The following GALNTL6 variants were observed in gnomAD, a reference collection of about 807,000 sequenced individuals.
The protein encoded by GALNTL6 is polypeptide N-acetylgalactosaminyltransferase-like 6.
In GALNTL6, 46 loss-of-function variants were observed where a neutral mutation model predicts 73.7. The observed-to-expected ratio is 0.62, with a 90% CI of 0.49 to 0.80. The LOEUF (loss-of-function observed/expected upper bound fraction) is 0.80. GALNTL6 is among the 30% of genes least tolerant of loss of function. The pLI is 0.00. For missense variants in GALNTL6, 604 were observed against 755.0 expected (o/e 0.80, Z 2.34); for synonymous variants, 259 against 263.7 (o/e 0.98, Z 0.17).
intron 2 of GALNTL6, among the ~76,000 whole-genome samples, chr4:171,926,416 C>T (rs1193088376): frequency 6.6e-6 from 1 of 152,028 alleles, no homozygotes; most frequent in East Asian, 1.9e-4. Flanking sequence ...GTACAGAAAA[C>T]TTGTCTTTTC....
At chr4:172,230,754 A>G (rs1188493893) in intron 3 of GALNTL6, among the ~76,000 whole-genome samples, 2 of 152,148 alleles carry the variant, frequency 1.3e-5, no homozygotes, top group East Asian at 3.9e-4. Flanking sequence ...TATTTTCACA[A>G]TAAGGATGTC....
chr4:172,907,003 A>ATAC (rs1685279750), intron 8 of GALNTL6, among the ~76,000 whole-genome samples: 2 of 152,218 alleles, frequency 1.3e-5, no homozygotes, highest in South Asian at 2.1e-4. Flanking sequence ...AGTCCTTTCT[A>ATAC]TACTCAAAGG....
At chr4:172,826,374 G>T (rs1742268295) in intron 7 of GALNTL6, among the ~76,000 whole-genome samples, 1 of 152,144 alleles carries the variant, frequency 6.6e-6, no homozygotes, top group African/African-American at 2.4e-5. Flanking sequence ...CTTCCTAATT[G>T]TTCTGTGCCT....
intron 5 of GALNTL6, among the ~76,000 whole-genome samples, chr4:172,802,516 C>T (rs930846251): frequency 5.9e-5 from 9 of 152,106 alleles, no homozygotes; most frequent in Non-Finnish European, 2.9e-5. Context: ...GATAAGGGGG[C>T]CGGGCGCAGT....
intron 5 of GALNTL6, among the ~76,000 whole-genome samples, chr4:172,358,741 C>T (rs535382798): frequency 2.2e-4 from 33 of 151,058 alleles, no homozygotes; most frequent in East Asian, 3.9e-4. Context: ...CCCAAGACTG[C>T]GGTCAGAAGA....
intron 2 of GALNTL6, among the ~76,000 whole-genome samples, chr4:171,962,896 T>C (rs1313869195): frequency 1.3e-5 from 2 of 150,560 alleles, no homozygotes; most frequent in Non-Finnish European, 1.5e-5. Context: ...GCTTCTCAGA[T>C]AGCTGGGACT....
intron 3 of GALNTL6, among the ~76,000 whole-genome samples, chr4:172,286,958 A>C (rs1318216410): frequency 6.6e-6 from 1 of 152,182 alleles, no homozygotes. Flanking sequence ...CTAGATGCTC[A>C]ATCTTTCACC....
chr4:172,780,094 G>A (rs1252020468), intron 5 of GALNTL6, among the ~76,000 whole-genome samples: 1 of 150,564 alleles, frequency 6.6e-6, no homozygotes, highest in African/African-American at 2.4e-5. Context: ...GTCATGGAAG[G>A]AAGGTTCAGG....
At chr4:172,311,530 T>C (rs1267116164) in intron 3 of GALNTL6, 84 bp from the exon 4 acceptor site, 34 of 1,172,614 alleles carry the variant, frequency 2.9e-5, no homozygotes, top group Non-Finnish European at 3.9e-5. Context: ...TAGGCGATAA[T>C]ACACATTCCA....
chr4:172,027,067 T>G (rs942325078), intron 2 of GALNTL6, among the ~76,000 whole-genome samples: 1 of 152,050 alleles, frequency 6.6e-6, no homozygotes, highest in African/African-American at 2.4e-5. Context: ...CCAATTGTTT[T>G]ATTTTTGTAG....
intron 5 of GALNTL6, among the ~76,000 whole-genome samples, chr4:172,745,697 T>C (rs559866448): frequency 6.6e-6 from 1 of 152,090 alleles, no homozygotes; most frequent in East Asian, 1.9e-4. Context: ...GATTCAAAAT[T>C]AAAGTTGACA....
At chr4:171,957,553 G>A (rs1451279551) in intron 2 of GALNTL6, among the ~76,000 whole-genome samples, 1 of 152,190 alleles carries the variant, frequency 6.6e-6, no homozygotes, top group Non-Finnish European at 1.5e-5. Flanking sequence ...TGGAGGAACA[G>A]TATTTACTTT....
chr4:171,991,989 A>G lies in GALNTL6; in HGVS notation c.138+177271A>G, dbSNP rs192941015. On this transcript the variant is annotated intron_variant, in intron 2 of 12. Coordinates refer to ENST00000506823, the MANE Select transcript of GALNTL6 (RefSeq NM_001034845.3). ...CTTGAGTAGACCATGAAGTGTAACT[A>G]ATCAACAATTATGGCAAAGTTTTTT... Among the ~76,000 whole-genome samples, 30 of 152,038 alleles carry G rather than the reference A, an allele frequency of 2.0e-4. No homozygotes were observed. The East Asian group carries it at 3.3e-3, about 17-fold the overall frequency.
At chr4:172,472,777 A>C (rs1372050598) in intron 5 of GALNTL6, among the ~76,000 whole-genome samples, 1 of 152,172 alleles carries the variant, frequency 6.6e-6, no homozygotes, top group African/African-American at 2.4e-5. Context: ...CAGAGGCTGG[A>C]AAAGGCAAGA....
chr4:172,956,194 G>A (rs1749744547), intron 10 of GALNTL6, among the ~76,000 whole-genome samples: 1 of 152,220 alleles, frequency 6.6e-6, no homozygotes, highest in Non-Finnish European at 1.5e-5. Context: ...AGCAGGATTA[G>A]GAGTGGCGTG....
At chr4:172,097,382 C>T (rs1261803690) in intron 2 of GALNTL6, among the ~76,000 whole-genome samples, 1 of 152,160 alleles carries the variant, frequency 6.6e-6, no homozygotes, top group East Asian at 1.9e-4. Flanking sequence ...TCCTTCCCCG[C>T]TATGCCCTTG....
intron 2 of GALNTL6, among the ~76,000 whole-genome samples, chr4:172,203,778 C>T (rs1736026770): frequency 6.6e-6 from 1 of 151,914 alleles, no homozygotes; most frequent in African/African-American, 2.4e-5. Flanking sequence ...TGGAGTTTTG[C>T]TCTTGTTGCC....
At chr4:172,524,769 A>G (rs1734897605) in intron 5 of GALNTL6, among the ~76,000 whole-genome samples, 1 of 152,232 alleles carries the variant, frequency 6.6e-6, no homozygotes. Context: ...ACAACCAAAA[A>G]ATAAAGTTCT....
intron 5 of GALNTL6, among the ~76,000 whole-genome samples, chr4:172,716,212 G>T (rs1332253008): frequency 1.3e-5 from 2 of 152,114 alleles, no homozygotes; most frequent in Non-Finnish European, 2.9e-5. Flanking sequence ...ATCCTAGACA[G>T]AAAAACCCAC....
Sources: gnomAD v4.1 joint callset for allele counts (sites outside exome capture counted in the v4.1 genomes callset) on GRCh38, gnomAD v4.1.1 for gene constraint, MANE v1.5 for transcripts, NCBI Gene and HGNC (gene_info 2026-07-23, HGNC 2026-07-21) for gene names.